Variants in LAMA1 observed in about 807,000 individuals in gnomAD.
LAMA1 encodes the protein laminin subunit alpha 1.
LAMA1 carries 219 observed loss-of-function variants against 348.7 expected under a neutral mutation model. That is an observed-to-expected ratio of 0.63 (90% confidence interval 0.56 to 0.70). The LOEUF (loss-of-function observed/expected upper bound fraction) is 0.70, where lower values mean the gene tolerates loss of function less well. Ranked by LOEUF, LAMA1 falls within the 30% of genes least tolerant of loss-of-function variation. The probability of loss-of-function intolerance (pLI) is 0.00; values close to 1 mark genes in which losing one functional copy is unlikely to be tolerated. For synonymous variants in LAMA1, 1,487 were observed against 1,491.0 expected, an observed-to-expected ratio of 1.00 and a Z score of 0.06; for missense variants, 3,744 against 3,888.0, an observed-to-expected ratio of 0.96 and a Z score of 0.99.
At chr18:7,004,147 A>G (rs538896509) in intron 29 of LAMA1, among the ~76,000 whole-genome samples, 23 of 152,186 alleles carry the variant, frequency 1.5e-4, no homozygotes, top group African/African-American at 5.5e-4. Flanking sequence ...GGAAACAAGG[A>G]CCCCCTAATG....
chr18:7,093,232 C>G (rs377395255), intron 1 of LAMA1, among the ~76,000 whole-genome samples: 10 of 152,052 alleles, frequency 6.6e-5, no homozygotes, highest in African/African-American at 1.4e-4. Context: ...CTGGCTAACA[C>G]GGTGAAACCC....
Position 6,995,495 on chromosome 18 carries a change from C to G in LAMA1, c.4807-49G>C, listed in dbSNP as rs781387956. 5.7e-5 allele frequency: 57 copies of G among 1,002,732 alleles called. 1 individual carries two copies. In the South Asian group the frequency reaches 7.1e-4, roughly 13 times the overall value. The allele number at this position is 1,002,732 out of a possible 1,614,324, so 62.1% of individuals were successfully genotyped here. A position where few individuals can be genotyped will look rare whatever the true frequency, so the allele number is the denominator to read the frequency against. On this transcript the variant is annotated intron_variant, in intron 33 of 62. Transcript: ENST00000389658. ...TTACAATGCTTCGAAGTAAAATGTT[C>G]TGATTCTTAACTAAGAAGCACTTGC...
chr18:6,948,726 G>A (rs2057533357), intron 59 of LAMA1, among the ~76,000 whole-genome samples, 170 bp from the exon 60 acceptor site: 1 of 152,168 alleles, frequency 6.6e-6, no homozygotes, highest in African/African-American at 2.4e-5. Flanking sequence ...CTAAGTTAGA[G>A]CTACCATTTG....
At chr18:6,982,987 C>CACCA in intron 40 of LAMA1, 112 bp downstream of exon 40, 1 of 1,378,644 alleles carries the variant, frequency 7.3e-7, no homozygotes, top group African/African-American at 1.4e-5. Context: ...AAACAGATTC[C>CACCA]ACCAGAAAAG....
chr18:6,973,104 T>C lies in LAMA1; in HGVS notation c.6727A>G (p.Asn2243Asp), dbSNP rs1600361352. The change falls in exon 47 of 63, where the codon AAC becomes GAC. Residue 2243 changes from asparagine to aspartate, a missense_variant. Asn to Asp is a conservative substitution (Grantham distance 23). Coordinates refer to ENST00000389658, the MANE Select transcript of LAMA1 (RefSeq NM_005559.4). Reference sequence around the variant, plus strand: ...CCAACAAACATGAGTGTTGAATTGTTTACATCCAGAACATTAGCTGTCCCA... The same window carrying C: ...CCAACAAACATGAGTGTTGAATTGTCTACATCCAGAACATTAGCTGTCCCA... ...SPGTANVLDV[N>D]NSTLMFVGGL... The C allele has an allele frequency of 1.2e-6, 2 of 1,614,216 alleles. No individual in the cohort carries two copies. Among genetic ancestry groups the C allele is most frequent in the African/African-American group, 1.3e-5 (1 of 75,062 alleles).
At chr18:6,965,947 G>T (rs972801099) in intron 49 of LAMA1, 200 bp downstream of exon 49, 67 of 610,522 alleles carry the variant, frequency 1.1e-4, no homozygotes, top group Non-Finnish European at 1.8e-4. Context: ...TTTTCTAAAG[G>T]TTCTACAATG....
Position 7,034,480 on chromosome 18 carries a change from T to C in LAMA1, c.2050A>G (p.Arg684Gly). ...TTTTCCTCCATTTTCAATACATACCTGTAAAGAGCCATTTTTGCAGAATTG... is the reference window on the plus strand; with the variant it reads ...TTTTCCTCCATTTTCAATACATACCCGTAAAGAGCCATTTTTGCAGAATTG... Reference protein sequence around the residue: ...NYNSAKMALYRLESVSLDIAS... With the variant: ...NYNSAKMALYGLESVSLDIAS... The change falls in exon 14 of 63, where the codon AGG (arginine) becomes GGG (glycine). Residue 684 changes from arginine (R) to glycine (G), a missense_variant and splice_region_variant. By Grantham distance (125) the Arg-to-Gly change is moderately radical (BLOSUM62 -2). Transcript: ENST00000389658. 6.2e-7 allele frequency: 1 copy of C among 1,613,324 alleles called. No individual in the cohort carries two copies. The highest frequency in any genetic ancestry group is 8.5e-7 in the Non-Finnish European group (1 of 1,179,290).
At chr18:7,065,205 C>G (rs2058117710) in intron 3 of LAMA1, among the ~76,000 whole-genome samples, 2 of 143,190 alleles carry the variant, frequency 1.4e-5, no homozygotes, top group Admixed American at 1.4e-4. Flanking sequence ...TGCACTCCAG[C>G]CTGGGTGACA....
chr18:7,114,153 C>G (rs974766792), intron 1 of LAMA1, among the ~76,000 whole-genome samples: 3 of 151,244 alleles, frequency 2.0e-5, no homozygotes, highest in African/African-American at 4.9e-5. Flanking sequence ...TCTCAATGAC[C>G]AAATGGATTT....
intron 19 of LAMA1, among the ~76,000 whole-genome samples, chr18:7,019,182 A>T (rs637430): frequency 0.13 from 19,455 of 151,934 alleles, 1,357 homozygotes; most frequent in Middle Eastern, 0.17. Context: ...GTCTGCTGCA[A>T]CTGTTCTCCC....
At chr18:6,996,258 A>C (rs1289329157) in intron 33 of LAMA1, among the ~76,000 whole-genome samples, 2 of 152,160 alleles carry the variant, frequency 1.3e-5, no homozygotes, top group African/African-American at 2.4e-5. Context: ...AGAAAAGACC[A>C]CTGCAAATCA....
At chr18:7,004,353 C>G (rs939018241) in intron 29 of LAMA1, among the ~76,000 whole-genome samples, 2 of 152,124 alleles carry the variant, frequency 1.3e-5, no homozygotes, top group African/African-American at 4.8e-5. Context: ...TACTTCCAAT[C>G]AATCACTTTT....
chr18:6,963,476 CA>C (rs1400780449), intron 51 of LAMA1, among the ~76,000 whole-genome samples: 18 of 152,298 alleles, frequency 1.2e-4, no homozygotes, highest in African/African-American at 4.3e-4. Context: ...GCTGTGGTTG[CA>C]AACTGTGTTC....
rs761620468 is a variant in LAMA1, at chr18:7,037,669, C to T, written c.1646G>A (p.Arg549His). 8.5e-5 allele frequency: 137 copies of T among 1,614,160 alleles called. 1 individual carries two copies. The highest frequency in any genetic ancestry group is 1.0e-4 in the Non-Finnish European group (123 of 1,180,026). The change falls in exon 12 of 63, where the codon CGC (arginine) becomes CAC (histidine). Residue 549 changes from arginine to histidine, a missense_variant. Physicochemically the swap from Arg to His is conservative, Grantham distance 29. Transcript: ENST00000389658. Reference protein sequence around the residue: ...IPSQQDALGGRHQVSINNTAV... With the variant: ...IPSQQDALGGHHQVSINNTAV... ...GGTGTTGTTGATGCTGACCTGATGG[C>T]GCCCGCCTAGTGCATCTTGCTGAGA...
Position 7,032,106 on chromosome 18 carries a change from T to C in LAMA1, c.2234A>G (p.His745Arg), listed in dbSNP as rs1019522832. Residue 745 changes from histidine (H) to arginine (R), a missense_variant, in exon 16 of 63, where the codon CAC (histidine) becomes CGC (arginine). Physicochemically the swap from His to Arg is conservative, Grantham distance 29 (BLOSUM62 0). Transcript: ENST00000389658. ...AACATTACACTCAGCTGCATGGCCG[T>C]GGCATTCACAGGGTTGACAAATTCC... ...FGGICQPCEC[H>R]GHAAECNVHG... 3 of 1,614,078 alleles carry C rather than the reference T, an allele frequency of 1.9e-6. No homozygotes were observed. The highest frequency in any genetic ancestry group is 1.7e-5 in the Admixed American group (1 of 60,012).
At position 7,079,987 on chromosome 18, in the gene LAMA1, C is replaced by T; in HGVS notation, c.333G>A (p.Leu111=). Residue 111 remains leucine (L), a synonymous_variant, in exon 3 of 63, where the codon CTG becomes CTA. Transcript: ENST00000389658. ...TGGGCTCACCTACCTGTCTTAAGTC[C>T]AGAGTGATTGTGACCCAGTGATATT... ...GREYHWVTIT[L]DLRQVFQVAY... 1 of 1,613,326 alleles carries T rather than the reference C, an allele frequency of 6.2e-7. No individual in the cohort carries two copies.
chr18:6,962,472 T>C (rs2057612992), intron 51 of LAMA1, among the ~76,000 whole-genome samples: 2 of 152,040 alleles, frequency 1.3e-5, no homozygotes, highest in Admixed American at 1.3e-4. Context: ...CCTGTTTCCA[T>C]GTGTTACTCT....
rs985738342 is a variant in LAMA1 at position 7,101,981 on chromosome 18, A to G, written c.61+15679T>C. 3.3e-5 allele frequency among the ~76,000 whole-genome samples: 5 copies of G among 152,042 alleles called. No homozygotes were observed. In the East Asian group the frequency reaches 9.7e-4, roughly 30 times the overall value. On this transcript the variant is annotated intron_variant, in intron 1 of 62. Transcript: ENST00000389658. ...GGTGTGACCACCACATCTGGCCCCT[A>G]CAACAGTGACCAAAGGGTTATTTTC...
chr18:6,971,873 G>A lies in LAMA1; in HGVS notation c.6883C>T (p.Arg2295Cys), dbSNP rs76842111. The change falls in exon 48 of 63, where the codon CGT becomes TGT. Residue 2295 changes from arginine (R) to cysteine (C), a missense_variant. Arg to Cys is a radical substitution (Grantham distance 180). Coordinates refer to ENST00000389658, the MANE Select transcript of LAMA1 (RefSeq NM_005559.4). ...WNYIEREGKC[R>C]GCFGSSQNED... ...ACATCTTACCTTCCGAAGCACCCAC[G>A]GCACTTGCCTTCCCTTTCAATATAG... The A allele has an allele frequency of 2.7e-3, 4,338 of 1,613,916 alleles. 70 individuals carry two copies. Among genetic ancestry groups the A allele is most frequent in the East Asian group, 0.016 (711 of 44,856 alleles).
Sources: gnomAD v4.1 joint callset for allele counts (sites outside exome capture counted in the v4.1 genomes callset) on GRCh38, gnomAD v4.1.1 for gene constraint, MANE v1.5 for transcripts, NCBI Gene and HGNC (gene_info 2026-07-23, HGNC 2026-07-21) for gene names.